Variants in RALGAPA1 observed in about 807,000 individuals in gnomAD.
RALGAPA1 encodes Ral GTPase activating protein catalytic subunit alpha 1.
Under a neutral mutation model 269.6 loss-of-function variants are expected in RALGAPA1, and 52 were observed. That is an observed-to-expected ratio of 0.19 (90% CI 0.15 to 0.24). RALGAPA1 has a LOEUF of 0.24. Among genes scored for constraint, RALGAPA1 ranks in the 10% least tolerant of loss-of-function variants. The pLI, the probability that RALGAPA1 is intolerant of heterozygous loss-of-function variation, is 1.00. For missense variants in RALGAPA1, 1,917 were observed against 3,013.9 expected, an observed-to-expected ratio of 0.64 and a Z score of 8.52; for synonymous variants, 817 against 1,008.3, an observed-to-expected ratio of 0.81 and a Z score of 3.60.
At chr14:35,749,877 T>C (rs964975041) in intron 9 of RALGAPA1, among the ~76,000 whole-genome samples, 1 of 151,880 alleles carries the variant, frequency 6.6e-6, no homozygotes, top group African/African-American at 2.4e-5. Context: ...TAAGAAAATC[T>C]GAGGAGAGGA....
intron 27 of RALGAPA1, among the ~76,000 whole-genome samples, chr14:35,659,910 T>C (rs141481792): frequency 3.2e-3 from 481 of 152,150 alleles, no homozygotes; most frequent in African/African-American, 0.011. Flanking sequence ...TTAAGTAGAA[T>C]ACATAGCTCA....
intron 35 of RALGAPA1, among the ~76,000 whole-genome samples, chr14:35,624,082 A>G (rs947406817): frequency 4.7e-5 from 7 of 149,460 alleles, no homozygotes; most frequent in African/African-American, 1.7e-4. Context: ...GCAAGACTCC[A>G]TCTCAAAAAA....
intron 41 of RALGAPA1, chr14:35,541,811 T>C: frequency 2.2e-6 from 1 of 457,332 alleles, no homozygotes; most frequent in Non-Finnish European, 4.4e-6. Context: ...CTTTCTTTGT[T>C]GTGAATGAAG....
intron 37 of RALGAPA1, among the ~76,000 whole-genome samples, chr14:35,574,656 A>G (rs1457886680): frequency 6.6e-6 from 1 of 152,150 alleles, no homozygotes; most frequent in Non-Finnish European, 1.5e-5. Context: ...TTAGACACAA[A>G]TTGAGAAATT....
chr14:35,605,736 A>T, intron 35 of RALGAPA1, 27 bp from the exon 36 acceptor site: 1 of 1,597,638 alleles, frequency 6.3e-7, no homozygotes, highest in Non-Finnish European at 8.5e-7. Context: ...TACACCATTA[A>T]TTTAATCACT....
intron 33 of RALGAPA1, among the ~76,000 whole-genome samples, chr14:35,629,013 A>C (rs555991333): frequency 5.5e-4 from 84 of 152,284 alleles, no homozygotes; most frequent in African/African-American, 1.9e-3. Flanking sequence ...GGGAGAAGGA[A>C]GAAGGGAACA....
intron 1 of RALGAPA1, among the ~76,000 whole-genome samples, chr14:35,802,610 T>C (rs761664502): frequency 6.6e-6 from 1 of 151,024 alleles, no homozygotes; most frequent in East Asian, 1.9e-4. Context: ...AATTGATCTA[T>C]AGATTCAACA....
chr14:35,604,371 T>C (rs1237450753), intron 36 of RALGAPA1, among the ~76,000 whole-genome samples: 1 of 152,014 alleles, frequency 6.6e-6, no homozygotes, highest in African/African-American at 2.4e-5. Context: ...TCAATAACGA[T>C]ATCTAGAAAA....
Position 35,571,492 on chromosome 14 carries a change from T to C in RALGAPA1, c.7369-748A>G, listed in dbSNP as rs950613675. On this transcript the variant is annotated intron_variant, in intron 38 of 41. Coordinates refer to ENST00000680220, the MANE Select transcript of RALGAPA1 (RefSeq NM_001346249.2). ...GAGTTCGAGACCAGCCTGACCAAGA[T>C]GGTGAAAACCTGTCTCTACTAAAAA... Among the ~76,000 whole-genome samples the C allele has an allele frequency of 5.9e-5, 9 of 151,876 alleles. No individual in the cohort carries two copies. The East Asian group carries it at 1.5e-3, about 26-fold the overall frequency.
At chr14:35,778,611 T>G (rs1343382350) in intron 1 of RALGAPA1, among the ~76,000 whole-genome samples, 1 of 152,202 alleles carries the variant, frequency 6.6e-6, no homozygotes, top group African/African-American at 2.4e-5. Flanking sequence ...TACTCAAATG[T>G]GTTTTATTAC....
Position 35,689,000 on chromosome 14 carries a change from G to T in RALGAPA1, c.3411C>A (p.Ala1137=). The part of the protein sequence containing the change: ...RSLSETVTHR[A]KIMKIATKKR... ...TTTTAGTAGCAATTTTCATGATTTT[G>T]GCTCTATGAGTTACTGTTTCAGACA... The change falls in exon 18 of 42, where the codon GCC becomes GCA. Residue 1137 remains alanine (A), a synonymous_variant. Transcript: ENST00000680220. The T allele has an allele frequency of 2.4e-6, 3 of 1,236,708 alleles. No homozygotes were observed. Among genetic ancestry groups the T allele is most frequent in the Non-Finnish European group, 2.0e-6 (2 of 990,690 alleles). 76.6% of individuals were successfully genotyped at this position (1,236,708 alleles called of 1,614,324 possible).
At chr14:35,803,298 A>G (rs2077110099) in intron 1 of RALGAPA1, among the ~76,000 whole-genome samples, 1 of 152,206 alleles carries the variant, frequency 6.6e-6, no homozygotes, top group African/African-American at 2.4e-5. Flanking sequence ...ATTCACATGC[A>G]AAAACGTAAA....
chr14:35,688,895 A>G lies in RALGAPA1; in HGVS notation c.3516T>C (p.Ala1172=). The change falls in exon 18 of 42, where the codon GCT becomes GCC. Residue 1172 remains alanine (A), a synonymous_variant. Coordinates refer to ENST00000680220, the MANE Select transcript of RALGAPA1 (RefSeq NM_001346249.2). ...GCTTCCGCAGTCTCATCTTCCATGG[A>G]GCCTCTTTGTTTTCCAGAGGATTAT... is the stretch of plus-strand genomic sequence containing the variant. ...QFYNPLENKE[A]PWKMRLRKLG... 7.9e-7 allele frequency: 1 copy of G among 1,265,822 alleles called. No individual in the cohort carries two copies. The highest frequency in any genetic ancestry group is 9.9e-7 in the Non-Finnish European group (1 of 1,007,858). The allele number at this position is 1,265,822 out of a possible 1,614,324, so 78.4% of individuals were successfully genotyped here.
chr14:35,688,676 T>C lies in RALGAPA1; in HGVS notation c.3735A>G (p.Ala1245=). 1 of 1,489,378 alleles carries C rather than the reference T, an allele frequency of 6.7e-7. No homozygotes were observed. The highest frequency in any genetic ancestry group is 2.5e-5 in the East Asian group (1 of 40,638). The allele number at this position is 1,489,378 out of a possible 1,614,324, so 92.3% of individuals were successfully genotyped here. ...TACTACGACTACCTAATTGACTACT[T>C]GCAATTCCTTCTTTTTGTAATATGG... ...PTTILQKEGI[A]SSQLGSRSTL... The change falls in exon 18 of 42, where the codon GCA becomes GCG. Residue 1245 remains alanine, a synonymous_variant. Transcript: ENST00000680220.
chr14:35,672,485 G>GTTGCATAAC (rs2064548762), intron 25 of RALGAPA1, among the ~76,000 whole-genome samples: 1 of 151,768 alleles, frequency 6.6e-6, no homozygotes, highest in Non-Finnish European at 1.5e-5. Flanking sequence ...AAACCTGACT[G>GTTGCATAAC]TTGCATAACT....
At chr14:35,803,882 C>T (rs1442705520) in intron 1 of RALGAPA1, among the ~76,000 whole-genome samples, 2 of 151,676 alleles carry the variant, frequency 1.3e-5, no homozygotes, top group African/African-American at 4.8e-5. Flanking sequence ...CCTCAGCCTT[C>T]CAAAGTGCTG....
intron 16 of RALGAPA1, among the ~76,000 whole-genome samples, chr14:35,717,361 G>C (rs1034051483): frequency 2.0e-5 from 3 of 152,144 alleles, no homozygotes; most frequent in Non-Finnish European, 4.4e-5. Flanking sequence ...ATATTAGCCA[G>C]ATGGTCTTGA....
rs142659900 is a variant in RALGAPA1, at chr14:35,808,269, G to A, written c.106+461C>T. The stretch of plus-strand genomic sequence containing the variant: ...TCCTTCCCACAGCTTTTTGGGAACC[G>A]CCCACTTCCCAAAGAGGTGTAACTG... On this transcript the variant is annotated intron_variant, in intron 1 of 41. Transcript: ENST00000680220. 2.2e-3 allele frequency among the ~76,000 whole-genome samples: 329 copies of A among 152,186 alleles called. 3 individuals are homozygous for A. The highest frequency in any genetic ancestry group is 7.6e-3 in the African/African-American group (316 of 41,506).
intron 33 of RALGAPA1, among the ~76,000 whole-genome samples, chr14:35,633,309 T>A (rs1055879636): frequency 6.6e-6 from 1 of 152,196 alleles, no homozygotes; most frequent in African/African-American, 2.4e-5. Flanking sequence ...ACGTCAAATC[T>A]AAAAATATAA....
Sources: allele counts gnomAD v4.1 joint callset (sites outside exome capture counted in the v4.1 genomes callset), GRCh38; gene constraint gnomAD v4.1.1; transcripts MANE v1.5; gene names NCBI Gene and HGNC (gene_info 2026-07-23, HGNC 2026-07-21).